CCSER1: variants seen among roughly 807,000 people sequenced by gnomAD.
CCSER1 encodes serine-rich coiled-coil domain-containing protein 1.
CCSER1 carries 41 observed loss-of-function variants against 82.0 expected under a neutral mutation model. The ratio of observed to expected loss-of-function variants is 0.50; its 90% CI spans 0.39 to 0.65. The LOEUF is 0.65. Among genes scored for constraint, CCSER1 ranks in the 30% least tolerant of loss-of-function variants. CCSER1 has a pLI of 0.00. For missense variants in CCSER1, 1,119 were observed against 1,064.2 expected, an observed-to-expected ratio of 1.05 and a Z score of -0.72; for synonymous variants, 414 against 383.9, an observed-to-expected ratio of 1.08 and a Z score of -0.92.
chr4:91,101,064 T>A (rs1271043371), intron 10 of CCSER1, among the ~76,000 whole-genome samples: 1 of 151,832 alleles, frequency 6.6e-6, no homozygotes, highest in Non-Finnish European at 1.5e-5. Flanking sequence ...GGGAAACAAG[T>A]GAGGGGGAGC....
intron 10 of CCSER1, among the ~76,000 whole-genome samples, chr4:91,191,405 G>T (rs1486925310): frequency 6.6e-6 from 1 of 152,142 alleles, no homozygotes; most frequent in East Asian, 1.9e-4. Flanking sequence ...TATTGAACAT[G>T]TGTATACTTA....
rs539933570 is a variant in CCSER1, at chr4:91,204,074, A to T, written c.2217+118080A>T. The stretch of plus-strand genomic sequence containing the variant: ...TATTGTTAGATAACTAAATATTTGA[A>T]CCAGAAATAACATGGTTGCCAAGAC... On this transcript the variant is annotated intron_variant, in intron 10 of 10. Transcript: ENST00000509176. 5.9e-5 allele frequency among the ~76,000 whole-genome samples: 9 copies of T among 151,990 alleles called. No individual in the cohort carries two copies. The South Asian group carries it at 1.9e-3, about 32-fold the overall frequency.
chr4:91,190,068 A>G (rs1734874546), intron 10 of CCSER1, among the ~76,000 whole-genome samples: 1 of 152,118 alleles, frequency 6.6e-6, no homozygotes, highest in South Asian at 2.1e-4. Flanking sequence ...AGCCCTGGCT[A>G]TAGCCTTAAT....
chr4:91,104,242 T>C (rs1725373458), intron 10 of CCSER1, among the ~76,000 whole-genome samples: 1 of 152,216 alleles, frequency 6.6e-6, no homozygotes, highest in Admixed American at 6.5e-5. Flanking sequence ...CTTTGCTTTG[T>C]GATTTTTGTT....
At chr4:91,273,720 G>C (rs1742215392) in intron 10 of CCSER1, among the ~76,000 whole-genome samples, 1 of 152,110 alleles carries the variant, frequency 6.6e-6, no homozygotes, top group South Asian at 2.1e-4. Flanking sequence ...TCTCTATTCA[G>C]TATTATGTTG....
At position 90,529,247 on chromosome 4, in the gene CCSER1, C is replaced by T. The variant is rs141754705; in HGVS notation, c.1724+60893C>T. Among the ~76,000 whole-genome samples, 1,167 of 152,078 alleles carry T rather than the reference C, an allele frequency of 7.7e-3. 7 individuals carry two copies. The highest frequency in any genetic ancestry group is 0.012 in the Non-Finnish European group (792 of 68,004). On this transcript the variant is annotated intron_variant, in intron 5 of 10. Transcript: ENST00000509176. The stretch of plus-strand genomic sequence containing the variant: ...TTTATTTTTTTGCGAGTGAGTCTCA[C>T]TCTGTCACTGGGGCTGGAGTGCAGT...
Position 90,406,524 on chromosome 4 carries a change from A to G in CCSER1, c.1603+6395A>G, listed in dbSNP as rs180762508. Among the ~76,000 whole-genome samples, 281 of 152,370 alleles carry G rather than the reference A, an allele frequency of 1.8e-3. 1 individual carries two copies. The highest frequency in any genetic ancestry group is 6.2e-3 in the African/African-American group (258 of 41,588). ...CAACAAATAGACTTAACAGATATTT[A>G]CAGAACATTCTACCCAACAACTGCA... On this transcript the variant is annotated intron_variant, in intron 4 of 10. Transcript: ENST00000509176.
chr4:90,206,111 GC>G (rs1738775131), intron 1 of CCSER1, among the ~76,000 whole-genome samples: 1 of 152,134 alleles, frequency 6.6e-6, no homozygotes, highest in African/African-American at 2.4e-5. Flanking sequence ...AGTCTGGCTA[GC>G]ATTCTATCTA....
Position 90,632,574 on chromosome 4 carries a change from C to A in CCSER1, c.1932+4342C>A, listed in dbSNP as rs538656642. ...GTATCTGAATCATCTTGGGTAGGAACCAGAGATGGAGATGAGTAATGGGTA... is the reference window on the plus strand; with the variant it reads ...GTATCTGAATCATCTTGGGTAGGAAACAGAGATGGAGATGAGTAATGGGTA... On this transcript the variant is annotated intron_variant, in intron 6 of 10. Coordinates refer to ENST00000509176, the MANE Select transcript of CCSER1 (RefSeq NM_001145065.2). Among the ~76,000 whole-genome samples, 19 of 152,062 alleles carry A rather than the reference C, an allele frequency of 1.2e-4. No individual in the cohort carries two copies. In the South Asian group the frequency reaches 3.7e-3, roughly 30 times the overall value.
At chr4:90,663,082 A>G (rs1731113296) in intron 6 of CCSER1, among the ~76,000 whole-genome samples, 1 of 152,196 alleles carries the variant, frequency 6.6e-6, no homozygotes, top group Non-Finnish European at 1.5e-5. Context: ...TCTGATTTTT[A>G]TCAGGAAGAT....
At chr4:90,880,381 C>A (rs983921382) in intron 8 of CCSER1, among the ~76,000 whole-genome samples, 2 of 152,136 alleles carry the variant, frequency 1.3e-5, no homozygotes, top group African/African-American at 4.8e-5. Context: ...AGGGGCTATG[C>A]TGTGGGTCCA....
intron 10 of CCSER1, among the ~76,000 whole-genome samples, chr4:91,325,760 A>G (rs1166676393): frequency 6.6e-6 from 1 of 152,218 alleles, no homozygotes; most frequent in African/African-American, 2.4e-5. Flanking sequence ...CAGTTCCAGT[A>G]TCAATATGAC....
At chr4:91,141,407 C>T (rs1176246918) in intron 10 of CCSER1, among the ~76,000 whole-genome samples, 1 of 152,170 alleles carries the variant, frequency 6.6e-6, no homozygotes, top group Admixed American at 6.6e-5. Context: ...CCGCCTTGGC[C>T]TCCCAAAGTG....
In CCSER1 at chr4:91,602,878, G is replaced by GCTAT. The variant is rs1431077453; in HGVS notation, c.*3825_*3828dup. ...ATTCATTTATACCAGGATTTTGATTGCTATCTAAGACTTGACTTTATTTAG... is the reference window on the plus strand; with the variant it reads ...ATTCATTTATACCAGGATTTTGATTGCTATCTATCTAAGACTTGACTTTATTTAG... On this transcript the variant is annotated 3_prime_UTR_variant, in exon 11 of 11. Coordinates refer to ENST00000509176, the MANE Select transcript of CCSER1 (RefSeq NM_001145065.2). Among the ~76,000 whole-genome samples, 1 of 151,918 alleles carries GCTAT rather than the reference G, an allele frequency of 6.6e-6. No individual in the cohort carries two copies. Among genetic ancestry groups the GCTAT allele is most frequent in the Non-Finnish European group, 1.5e-5 (1 of 67,918 alleles).
intron 5 of CCSER1, among the ~76,000 whole-genome samples, chr4:90,613,260 C>T (rs1720590246): frequency 6.6e-6 from 1 of 152,068 alleles, no homozygotes; most frequent in Admixed American, 6.6e-5. Flanking sequence ...TCAAGTCAGG[C>T]AAAAGATGGG....
chr4:90,128,323 C>G (rs976192282), intron 1 of CCSER1, among the ~76,000 whole-genome samples: 1 of 151,920 alleles, frequency 6.6e-6, no homozygotes, highest in Non-Finnish European at 1.5e-5. Flanking sequence ...CAGGGGCTCC[C>G]GGAGGAACCG....
chr4:90,515,032 AT>A (rs370003310), intron 5 of CCSER1, among the ~76,000 whole-genome samples: 1 of 151,712 alleles, frequency 6.6e-6, no homozygotes, highest in Non-Finnish European at 1.5e-5. Context: ...TGATTTTTGT[AT>A]TTTTTGTAGA....
chr4:90,186,839 G>GT (rs558403831), intron 1 of CCSER1, among the ~76,000 whole-genome samples: 5 of 151,388 alleles, frequency 3.3e-5, no homozygotes, highest in Non-Finnish European at 7.4e-5. Context: ...TGATTTCCTG[G>GT]TTTTTCCCCC....
chr4:90,590,398 G>A (rs1052954377), intron 5 of CCSER1, among the ~76,000 whole-genome samples: 3 of 152,078 alleles, frequency 2.0e-5, no homozygotes, highest in Non-Finnish European at 2.9e-5. Context: ...TCACCAACAT[G>A]GTGAAACCCC....
Sources: allele counts gnomAD v4.1 joint callset (sites outside exome capture counted in the v4.1 genomes callset), GRCh38; gene constraint gnomAD v4.1.1; transcripts MANE v1.5; gene names NCBI Gene and HGNC (gene_info 2026-07-23, HGNC 2026-07-21).